Variants in DMXL1 observed in about 807,000 individuals in gnomAD.
The protein encoded by DMXL1 is Dmx like 1.
A neutral mutation model predicts 319.2 loss-of-function variants in DMXL1; 99 were observed. The observed-to-expected ratio is 0.31, with a 90% CI of 0.26 to 0.37. The LOEUF is 0.37. Among genes scored for constraint, DMXL1 ranks in the 10% least tolerant of loss-of-function variants. DMXL1 has a pLI of 1.00. For missense variants in DMXL1, 3,745 were observed against 3,595.6 expected (o/e 1.04, Z -1.06); for synonymous variants, 1,385 against 1,235.2 (o/e 1.12, Z -2.54).
At chr5:119,172,031 T>C in intron 25 of DMXL1, 62 bp downstream of exon 25, 1 of 1,410,744 alleles carries the variant, frequency 7.1e-7, no homozygotes, top group South Asian at 1.5e-5. Context: ...ACAAGATAAA[T>C]ATTAAGGCTT....
At chr5:119,079,251 A>C (rs1470970628) in intron 1 of DMXL1, among the ~76,000 whole-genome samples, 2 of 152,096 alleles carry the variant, frequency 1.3e-5, no homozygotes, top group Non-Finnish European at 2.9e-5. Flanking sequence ...TTTTGACTAC[A>C]AGCTGAAAAA....
intron 29 of DMXL1, among the ~76,000 whole-genome samples, chr5:119,192,185 T>C (rs1285982604): frequency 1.3e-5 from 2 of 152,220 alleles, no homozygotes; most frequent in Non-Finnish European, 2.9e-5. Context: ...AACTTTTTCA[T>C]CATCCCAATT....
chr5:119,224,111 T>C (rs1021778002), intron 37 of DMXL1, among the ~76,000 whole-genome samples: 1 of 152,096 alleles, frequency 6.6e-6, no homozygotes, highest in Non-Finnish European at 1.5e-5. Context: ...AACTTTAGGC[T>C]AATTGAACCA....
At chr5:119,217,078 C>A in intron 35 of DMXL1, 91 bp downstream of exon 35, 1 of 709,952 alleles carries the variant, frequency 1.4e-6, no homozygotes, top group Non-Finnish European at 2.2e-6. Flanking sequence ...ATTTCTTTCC[C>A]AAAGCTGCTT....
intron 39 of DMXL1, 100 bp from the exon 40 acceptor site, chr5:119,237,222 A>C (rs1177848778): frequency 1.3e-5 from 8 of 609,874 alleles, no homozygotes; most frequent in Admixed American, 1.2e-4. Flanking sequence ...CATACAGTCA[A>C]ATGTTTACGA....
chr5:119,110,187 T>C lies in DMXL1; in HGVS notation c.401T>C (p.Leu134Pro). 6.3e-7 allele frequency: 1 copy of C among 1,596,896 alleles called. No homozygotes were observed. Among genetic ancestry groups the C allele is most frequent in the Non-Finnish European group, 8.5e-7 (1 of 1,175,060 alleles). The change falls in exon 5 of 44, where the codon CTC (leucine) becomes CCC (proline). Residue 134 changes from leucine (L) to proline (P), a missense_variant. Transcript: ENST00000539542. ...TTAACTGGTTCCAGCTATTTGCAAC[T>C]CTGGTCCAATACTAACTTGGAGAAG... is the stretch of plus-strand genomic sequence containing the variant. ...RLLTGSSYLQ[L>P]WSNTNLEKPT... is the part of the protein sequence containing the mutation.
chr5:119,110,451 A>C (rs1460335732), intron 5 of DMXL1, among the ~76,000 whole-genome samples, 168 bp downstream of exon 5: 2 of 152,240 alleles, frequency 1.3e-5, no homozygotes, highest in African/African-American at 4.8e-5. Context: ...CGTGTTCTAC[A>C]AATACATTTT....
Position 119,148,944 on chromosome 5 carries a change from T to G in DMXL1, c.3117T>G (p.Ser1039Arg). The G allele has an allele frequency of 6.2e-7, 1 of 1,613,938 alleles. No individual in the cohort carries two copies. The highest frequency in any genetic ancestry group is 8.5e-7 in the Non-Finnish European group (1 of 1,179,844). ...LIEDGLQSNS[S>R]ITVPGRPVEV... ...AAGATGGACTTCAGAGCAATAGTAGTATAACTGTACCTGGTAGGCCTGTAG... is the reference window on the plus strand; with the variant it reads ...AAGATGGACTTCAGAGCAATAGTAGGATAACTGTACCTGGTAGGCCTGTAG... The change falls in exon 18 of 44, where the codon AGT becomes AGG. Residue 1039 changes from serine to arginine, a missense_variant. Coordinates refer to ENST00000539542, the MANE Select transcript of DMXL1 (RefSeq NM_001290321.3).
At chr5:119,113,561 G>A (rs1462203877) in intron 5 of DMXL1, among the ~76,000 whole-genome samples, 1 of 152,068 alleles carries the variant, frequency 6.6e-6, no homozygotes, top group Non-Finnish European at 1.5e-5. Flanking sequence ...TTTTTTAGTG[G>A]GTGATAAGTG....
intron 9 of DMXL1, among the ~76,000 whole-genome samples, chr5:119,124,392 C>T (rs951839449): frequency 6.6e-6 from 1 of 151,760 alleles, no homozygotes; most frequent in East Asian, 1.9e-4. Context: ...TGAATGCTTT[C>T]CTTGAGCGTG....
At chr5:119,110,055 T>C in intron 4 of DMXL1, 96 bp from the exon 5 acceptor site, 1 of 1,226,656 alleles carries the variant, frequency 8.2e-7, no homozygotes, top group Non-Finnish European at 1.1e-6. Context: ...ATATTTGACT[T>C]TTTTTTAGAA....
chr5:119,116,064 C>G, intron 6 of DMXL1, 94 bp from the exon 7 acceptor site: 1 of 1,186,416 alleles, frequency 8.4e-7, no homozygotes. Flanking sequence ...TCCCCAAGTT[C>G]TTGCCATTGG....
At chr5:119,231,314 T>C (rs539842151) in intron 38 of DMXL1, among the ~76,000 whole-genome samples, 3 of 152,340 alleles carry the variant, frequency 2.0e-5, no homozygotes, top group South Asian at 4.1e-4. Context: ...TTTGAATTCC[T>C]TAAATTCAGA....
At chr5:119,116,987 T>C (rs1760990591) in intron 7 of DMXL1, among the ~76,000 whole-genome samples, 2 of 152,242 alleles carry the variant, frequency 1.3e-5, no homozygotes, top group East Asian at 3.9e-4. Context: ...ATTACTTAAA[T>C]ACAGGTATAA....
chr5:119,149,209 A>G lies in DMXL1; in HGVS notation c.3382A>G (p.Ser1128Gly). Reference sequence around the variant, plus strand: ...TAATAAACAAGACATGTATTTATCTAGTAAAGAGAATATCACATCAAACAC... The same window carrying G: ...TAATAAACAAGACATGTATTTATCTGGTAAAGAGAATATCACATCAAACAC... ...AYNKQDMYLSSKENITSNTKH... is the reference protein window; with the variant it reads ...AYNKQDMYLSGKENITSNTKH... The change falls in exon 18 of 44, where the codon AGT (serine) becomes GGT (glycine). Residue 1128 changes from serine to glycine, a missense_variant. This residue lies in a region of DMXL1 where 2,096 missense variants were observed against 1,985.4 expected (regional missense o/e 1.06). Transcript: ENST00000539542. The G allele has an allele frequency of 1.2e-6, 2 of 1,613,868 alleles. No homozygotes were observed. Among genetic ancestry groups the G allele is most frequent in the South Asian group, 1.1e-5 (1 of 91,086 alleles).
In DMXL1 at chr5:119,206,849, A is replaced by T; in HGVS notation, c.7879A>T (p.Ser2627Cys). Reference sequence around the variant, plus strand: ...CTTGATGAAGTCATTAGAGGACAACAGTGAAACCATCAAAAATTCTATGAT... The same window carrying T: ...CTTGATGAAGTCATTAGAGGACAACTGTGAAACCATCAAAAATTCTATGAT... ...RCLNESLEDN[S>C]ETIKNSMMEE... Residue 2627 changes from serine to cysteine, a missense_variant, in exon 34 of 44, where the codon AGT (serine) becomes TGT (cysteine). Ser to Cys is a moderately radical substitution (Grantham distance 112, BLOSUM62 -1). Coordinates refer to ENST00000539542, the MANE Select transcript of DMXL1 (RefSeq NM_001290321.3). 6.5e-7 allele frequency: 1 copy of T among 1,528,014 alleles called. No homozygotes were observed. The highest frequency in any genetic ancestry group is 1.7e-4 in the Middle Eastern group (1 of 5,798). The allele number at this position is 1,528,014 out of a possible 1,614,324, so 94.7% of individuals were successfully genotyped here.
intron 1 of DMXL1, among the ~76,000 whole-genome samples, chr5:119,084,138 T>C (rs1453689795): frequency 1.3e-5 from 2 of 152,044 alleles, no homozygotes; most frequent in Non-Finnish European, 2.9e-5. Flanking sequence ...CTTTTTTTTT[T>C]AAGACGGAGT....
intron 34 of DMXL1, among the ~76,000 whole-genome samples, chr5:119,214,169 T>C (rs1278678112): frequency 6.6e-6 from 1 of 152,198 alleles, no homozygotes; most frequent in Non-Finnish European, 1.5e-5. Flanking sequence ...TACTGTTTCC[T>C]TCACTTCTGT....
intron 19 of DMXL1, among the ~76,000 whole-genome samples, chr5:119,162,434 A>T (rs1581097388): frequency 6.6e-6 from 1 of 152,204 alleles, no homozygotes; most frequent in Non-Finnish European, 1.5e-5. Context: ...AGATCAAGAC[A>T]CCAGCAGATT....
Sources: gnomAD v4.1 joint callset for allele counts (sites outside exome capture counted in the v4.1 genomes callset) on GRCh38, gnomAD v4.1.1 for gene constraint, gnomAD v4.1.1 regional missense constraint, MANE v1.5 for transcripts, NCBI Gene and HGNC (gene_info 2026-07-23, HGNC 2026-07-21) for gene names.